PRIM2: variants seen among roughly 807,000 people sequenced by gnomAD.
PRIM2 encodes the protein DNA primase large subunit.
In PRIM2, 39 loss-of-function variants were observed where a neutral mutation model predicts 67.3. That is an observed-to-expected ratio of 0.58 (90% confidence interval 0.45 to 0.76). PRIM2 has a LOEUF of 0.76. Among genes scored for constraint, PRIM2 ranks in the 30% least tolerant of loss-of-function variants. The pLI is 0.00. For missense variants in PRIM2, 398 were observed against 598.7 expected (o/e 0.66, Z 3.50); for synonymous variants, 143 against 198.7 (o/e 0.72, Z 2.36).
intron 7 of PRIM2, among the ~76,000 whole-genome samples, chr6:57,441,133 T>C (rs1772191918): frequency 6.6e-6 from 1 of 152,224 alleles, no homozygotes; most frequent in African/African-American, 2.4e-5. Context: ...TGCTCATCAA[T>C]GTGTGAATGT....
chr6:57,508,514 A>G (rs1396296221), intron 8 of PRIM2, among the ~76,000 whole-genome samples: 1 of 151,966 alleles, frequency 6.6e-6, no homozygotes, highest in Non-Finnish European at 1.5e-5. Context: ...TGTATTTTAG[A>G]TCATTTTCTT....
At chr6:57,221,675 G>T in the PRIM2 span, 2 of 152,344 alleles carry the variant, frequency 1.3e-5, no homozygotes, top group Non-Finnish European at 2.9e-5. Flanking sequence ...ACGCAGCGCC[G>T]CCCTCGCTCC....
intron 5 of PRIM2, among the ~76,000 whole-genome samples, chr6:57,373,659 AT>A (rs1241562026): frequency 1.3e-5 from 2 of 152,156 alleles, no homozygotes; most frequent in Non-Finnish European, 2.9e-5. Flanking sequence ...TCGATTTTCT[AT>A]GTATGGCTAG....
chr6:57,270,665 T>C, the PRIM2 span, among the ~76,000 whole-genome samples: 1 of 152,188 alleles, frequency 6.6e-6, no homozygotes, highest in Non-Finnish European at 1.5e-5. Context: ...CAACACTATG[T>C]TGAATAGGAG....
intron 7 of PRIM2, among the ~76,000 whole-genome samples, chr6:57,459,966 G>A (rs1240876202): frequency 2.8e-4 from 42 of 152,284 alleles, no homozygotes; most frequent in African/African-American, 1.0e-3. Flanking sequence ...AAGAGGGTGT[G>A]AGGGGCACAG....
rs1582016640 is a variant in PRIM2, at chr6:57,606,357, C to A, written c.1148-18C>A. Reference sequence around the variant, plus strand: ...ATAAATAACCTTGTTTGTGTGCTGGCTTATTTTTTGTTGTCAGGGTGCCCA... The same window carrying A: ...ATAAATAACCTTGTTTGTGTGCTGGATTATTTTTTGTTGTCAGGGTGCCCA... On this transcript the variant is annotated intron_variant, in intron 11 of 13. Coordinates refer to ENST00000615550, the MANE Select transcript of PRIM2 (RefSeq NM_000947.5). 6.4e-6 allele frequency: 10 copies of A among 1,574,378 alleles called. No individual in the cohort carries two copies. In the East Asian group the frequency reaches 2.3e-4, roughly 36 times the overall value.
chr6:57,510,124 T>C (rs1554347565), intron 8 of PRIM2, among the ~76,000 whole-genome samples: 62,102 of 151,656 alleles, frequency 0.41, 13,387 homozygotes, highest in African/African-American at 0.56. Flanking sequence ...ATTTGTGATA[T>C]TGTTATTGTT....
the PRIM2 span, among the ~76,000 whole-genome samples, chr6:57,308,604 A>C: frequency 6.6e-6 from 1 of 152,226 alleles, no homozygotes; most frequent in African/African-American, 2.4e-5. Flanking sequence ...AGGTAATGCC[A>C]CATTTTTCAA....
chr6:57,601,983 A>C (rs1732871949), intron 11 of PRIM2, among the ~76,000 whole-genome samples: 1 of 152,206 alleles, frequency 6.6e-6, no homozygotes, highest in Non-Finnish European at 1.5e-5. Context: ...CTATACATTC[A>C]TTAGTTAATA....
At chr6:57,535,277 G>A (rs1774980802) in intron 9 of PRIM2, among the ~76,000 whole-genome samples, 1 of 152,126 alleles carries the variant, frequency 6.6e-6, no homozygotes, top group South Asian at 2.1e-4. Context: ...GAGCATGACT[G>A]CGTGGTCATG....
At chr6:57,462,276 C>T (rs999086813) in intron 7 of PRIM2, among the ~76,000 whole-genome samples, 21 of 152,228 alleles carry the variant, frequency 1.4e-4, no homozygotes, top group African/African-American at 4.8e-4. Flanking sequence ...CTACAAAAAT[C>T]GAGGAAATGG....
chr6:57,287,601 G>A, the PRIM2 span, among the ~76,000 whole-genome samples: 1 of 152,094 alleles, frequency 6.6e-6, no homozygotes, highest in African/African-American at 2.4e-5. Context: ...ACACACTGGA[G>A]CCTGTCAGGG....
chr6:57,493,160 T>C (rs1773934245), intron 7 of PRIM2, among the ~76,000 whole-genome samples: 1 of 152,186 alleles, frequency 6.6e-6, no homozygotes, highest in Non-Finnish European at 1.5e-5. Flanking sequence ...GATTTATTCT[T>C]GCTCCTATTA....
the PRIM2 span, among the ~76,000 whole-genome samples, chr6:57,225,480 C>A: frequency 2.0e-5 from 3 of 152,156 alleles, no homozygotes; most frequent in African/African-American, 7.2e-5. Flanking sequence ...GTAGAAATAG[C>A]AACAGAATTA....
chr6:57,330,383 G>GTTTTTTT (rs60270076), intron 5 of PRIM2, among the ~76,000 whole-genome samples: 28 of 99,508 alleles, frequency 2.8e-4, no homozygotes, highest in Non-Finnish European at 3.5e-4. Flanking sequence ...TTGTTTTTTT[G>GTTTTTTT]TTTTTTTTTT....
chr6:57,261,400 A>G, the PRIM2 span, among the ~76,000 whole-genome samples: 3 of 152,206 alleles, frequency 2.0e-5, no homozygotes, highest in Non-Finnish European at 4.4e-5. Context: ...AAGTGGGGAA[A>G]AATACCCAGC....
the PRIM2 span, among the ~76,000 whole-genome samples, chr6:57,258,149 G>A: frequency 6.6e-6 from 1 of 152,186 alleles, no homozygotes; most frequent in Non-Finnish European, 1.5e-5. Flanking sequence ...ATTCGACTGT[G>A]AGTTTCACCC....
At chr6:57,355,281 G>T (rs111755964) in intron 5 of PRIM2, among the ~76,000 whole-genome samples, 1 of 146,772 alleles carries the variant, frequency 6.8e-6, no homozygotes, top group Admixed American at 6.8e-5. Flanking sequence ...TCCAGCCTGG[G>T]TAACAGCGAG....
chr6:57,436,320 A>G (rs137991975), intron 7 of PRIM2, among the ~76,000 whole-genome samples: 1 of 152,354 alleles, frequency 6.6e-6, no homozygotes, highest in African/African-American at 2.4e-5. Flanking sequence ...ATAAATCCTC[A>G]TAAAGTCGCT....
Sources: gnomAD v4.1 joint callset for allele counts (sites outside exome capture counted in the v4.1 genomes callset) on GRCh38, gnomAD v4.1.1 for gene constraint, MANE v1.5 for transcripts, NCBI Gene and HGNC (gene_info 2026-07-23, HGNC 2026-07-21) for gene names.